ZNF560: variants seen among roughly 807,000 people sequenced by gnomAD.
ZNF560 encodes zinc finger protein 560.
ZNF560 carries 54 observed loss-of-function variants against 81.8 expected under a neutral mutation model. The ratio of observed to expected loss-of-function variants is 0.66; its 90% CI spans 0.53 to 0.83. ZNF560 has a LOEUF of 0.83. Among genes scored for constraint, ZNF560 ranks in the 40% least tolerant of loss-of-function variants. ZNF560 has a pLI of 0.00. For synonymous variants in ZNF560, 321 were observed against 317.9 expected (o/e 1.01, Z -0.10); for missense variants, 940 against 932.4 (o/e 1.01, Z -0.11).
At chr19:9,481,343 A>C (rs1339645080) in intron 2 of ZNF560, among the ~76,000 whole-genome samples, 7 of 152,216 alleles carry the variant, frequency 4.6e-5, no homozygotes, top group Admixed American at 2.6e-4. Flanking sequence ...AGGCAATGCC[A>C]TTCAGGACAT....
intron 4 of ZNF560, among the ~76,000 whole-genome samples, chr19:9,473,755 T>A (rs1195943762): frequency 6.6e-6 from 1 of 152,204 alleles, no homozygotes; most frequent in Non-Finnish European, 1.5e-5. Context: ...AATTCATGCT[T>A]ATGTGCACAT....
At chr19:9,491,566 C>G (rs113902366) in intron 2 of ZNF560, among the ~76,000 whole-genome samples, 7,328 of 152,068 alleles carry the variant, frequency 0.048, 612 homozygotes, top group African/African-American at 0.17. Flanking sequence ...GTGGCTCACA[C>G]CTGTAATCCC....
At chr19:9,489,230 A>G (rs2073431849) in intron 2 of ZNF560, among the ~76,000 whole-genome samples, 1 of 152,366 alleles carries the variant, frequency 6.6e-6, no homozygotes, top group Admixed American at 6.5e-5. Flanking sequence ...GGTGCTCCTC[A>G]CTTCCCAGAC....
chr19:9,466,506 C>G lies in ZNF560; in HGVS notation c.*68G>C. On this transcript the variant is annotated 3_prime_UTR_variant, in exon 10 of 10. Coordinates refer to ENST00000301480, the MANE Select transcript of ZNF560 (RefSeq NM_152476.3). Reference sequence around the variant, plus strand: ...TGTTACTTTCTCCTGTGAATTTTTACATGTTCAGTTAGGCTTGAGGAAACA... The same window carrying G: ...TGTTACTTTCTCCTGTGAATTTTTAGATGTTCAGTTAGGCTTGAGGAAACA... The G allele has an allele frequency of 2.1e-6, 3 of 1,423,566 alleles. No homozygotes were observed. The highest frequency in any genetic ancestry group is 2.9e-6 in the Non-Finnish European group (3 of 1,049,654). 88.2% of individuals were successfully genotyped at this position (1,423,566 alleles called of 1,614,324 possible).
intron 2 of ZNF560, among the ~76,000 whole-genome samples, chr19:9,478,732 G>C (rs886551405): frequency 1.3e-5 from 2 of 152,090 alleles, no homozygotes; most frequent in Non-Finnish European, 2.9e-5. Context: ...TTTCATATAA[G>C]TCTTATGGTA....
At chr19:9,480,953 G>A (rs542680912) in intron 2 of ZNF560, among the ~76,000 whole-genome samples, 1 of 151,808 alleles carries the variant, frequency 6.6e-6, no homozygotes, top group South Asian at 2.1e-4. Context: ...GTGTGGTGGT[G>A]CACGCCTGTA....
chr19:9,501,372 TGTGTGTGTGG>T (rs2073631928), upstream of ZNF560, among the ~76,000 whole-genome samples: 1 of 142,154 alleles, frequency 7.0e-6, no homozygotes, highest in Admixed American at 7.1e-5. Context: ...TGTGTGTGTG[TGTGTGTGTGG>T]AGTGTTGCTC....
At chr19:9,491,998 G>T (rs1388706051) in intron 2 of ZNF560, among the ~76,000 whole-genome samples, 1 of 112 alleles carries the variant, frequency 8.9e-3, no homozygotes, top group South Asian at 0.25. Context: ...TCTTTTGGGG[G>T]GGGGACAGGT....
Position 9,467,171 on chromosome 19 carries a change from T to A in ZNF560, c.1776A>T (p.Arg592=). The change falls in exon 10 of 10, where the codon CGA becomes CGT. Residue 592 remains arginine (R), a synonymous_variant. Transcript: ENST00000301480. ...TERSYLTKHL[R]RHSGEKPYEC... ...CATATGGCTTCTCTCCACTGTGTCT[T>A]CGTAAATGTTTAGTAAGGTATGAGC... The A allele has an allele frequency of 6.2e-7, 1 of 1,614,146 alleles. No individual in the cohort carries two copies. Among genetic ancestry groups the A allele is most frequent in the Non-Finnish European group, 8.5e-7 (1 of 1,180,024 alleles).
At chr19:9,461,987 T>C (rs2072939548), downstream of ZNF560, among the ~76,000 whole-genome samples, 2 of 152,224 alleles carry the variant, frequency 1.3e-5, no homozygotes, top group African/African-American at 4.8e-5. Flanking sequence ...ATTTCTATGA[T>C]GGTTGTGCTA....
downstream of ZNF560, among the ~76,000 whole-genome samples, chr19:9,461,610 C>T (rs915829636): frequency 6.6e-6 from 1 of 152,126 alleles, no homozygotes; most frequent in Non-Finnish European, 1.5e-5. Context: ...AACTCTCAAA[C>T]TAAAATAGAC....
At chr19:9,475,492 C>T in intron 2 of ZNF560, 123 bp from the exon 3 acceptor site, 1 of 595,906 alleles carries the variant, frequency 1.7e-6, no homozygotes, top group Non-Finnish European at 2.9e-6. Flanking sequence ...CATAAATATA[C>T]ATTACATCCA....
At chr19:9,463,994 G>C (rs2072976242), downstream of ZNF560, among the ~76,000 whole-genome samples, 1 of 152,128 alleles carries the variant, frequency 6.6e-6, no homozygotes, top group Non-Finnish European at 1.5e-5. Context: ...ATTCAGGATT[G>C]GTAAACTTAC....
At chr19:9,452,291 G>C in the ZNF560 span, among the ~76,000 whole-genome samples, 1 of 152,148 alleles carries the variant, frequency 6.6e-6, no homozygotes, top group Non-Finnish European at 1.5e-5. Context: ...AGAGAAAAGG[G>C]AACATTTGTA....
intron 5 of ZNF560, among the ~76,000 whole-genome samples, chr19:9,472,147 T>C (rs1392611046): frequency 2.0e-5 from 3 of 151,432 alleles, no homozygotes; most frequent in East Asian, 1.9e-4. Flanking sequence ...ATGTTTCTGA[T>C]GGTTTGGATG....
chr19:9,491,530 A>G (rs2073472951), intron 2 of ZNF560, among the ~76,000 whole-genome samples: 1 of 152,004 alleles, frequency 6.6e-6, no homozygotes, highest in African/African-American at 2.4e-5. Context: ...CACTTGGCAG[A>G]CCTATAAGAT....
At chr19:9,503,187 C>T (rs891878113), upstream of ZNF560, among the ~76,000 whole-genome samples, 1 of 152,100 alleles carries the variant, frequency 6.6e-6, no homozygotes, top group African/African-American at 2.4e-5. Context: ...TGCCACAGCA[C>T]TGCAGCTTGG....
At chr19:9,468,439 A>C (rs1234255132) in intron 9 of ZNF560, 105 bp from the exon 10 acceptor site, 13 of 819,792 alleles carry the variant, frequency 1.6e-5, no homozygotes, top group Admixed American at 3.3e-5. Flanking sequence ...CACTTTTATA[A>C]CATGCATATA....
At chr19:9,446,029 G>T in the ZNF560 span, among the ~76,000 whole-genome samples, 5 of 151,992 alleles carry the variant, frequency 3.3e-5, no homozygotes, top group Non-Finnish European at 7.4e-5. Flanking sequence ...TTCTCACTGA[G>T]CATTAGAAAC....
Sources: allele counts gnomAD v4.1 joint callset (sites outside exome capture counted in the v4.1 genomes callset), GRCh38; gene constraint gnomAD v4.1.1; transcripts MANE v1.5; gene names NCBI Gene and HGNC (gene_info 2026-07-23, HGNC 2026-07-21).